Variants in AAMDC observed in about 807,000 individuals in gnomAD.
The protein encoded by AAMDC is adipogenesis associated Mth938 domain containing.
A neutral mutation model predicts 15.5 loss-of-function variants in AAMDC; 16 were observed. That is an observed-to-expected ratio of 1.03 (90% CI 0.70 to 1.57). The LOEUF is 1.57. Ranked by LOEUF, AAMDC falls within the 40% of genes most tolerant of loss-of-function variation. The pLI, the probability that AAMDC is intolerant of heterozygous loss-of-function variation, is 0.00. For synonymous variants in AAMDC, 51 were observed against 51.6 expected, an observed-to-expected ratio of 0.99 and a Z score of 0.05; for missense variants, 141 against 144.9, an observed-to-expected ratio of 0.97 and a Z score of 0.14.
At chr11:77,836,486 T>G (rs1435327121) in intron 1 of AAMDC, among the ~76,000 whole-genome samples, 1 of 152,144 alleles carries the variant, frequency 6.6e-6, no homozygotes, top group Non-Finnish European at 1.5e-5. Flanking sequence ...ACCAATCCTA[T>G]TGGCACCTTG....
intron 5 of AAMDC, chr11:77,884,973 T>C (rs1345585955): frequency 5.1e-6 from 1 of 197,098 alleles, no homozygotes; most frequent in Non-Finnish European, 1.1e-5. Flanking sequence ...TTGCCCAGGC[T>C]AGTCTCCAAC....
chr11:77,889,311 C>T (rs1952156730), intron 5 of AAMDC, among the ~76,000 whole-genome samples: 2 of 151,522 alleles, frequency 1.3e-5, no homozygotes, highest in South Asian at 2.1e-4. Flanking sequence ...AAACCAAACA[C>T]CGCATGTTCT....
At chr11:77,831,541 G>A (rs1263546946) in intron 1 of AAMDC, among the ~76,000 whole-genome samples, 1 of 151,990 alleles carries the variant, frequency 6.6e-6, no homozygotes, top group Non-Finnish European at 1.5e-5. Flanking sequence ...CACATGATGT[G>A]ATTATCATTC....
chr11:77,879,076 C>T (rs763501825), intron 5 of AAMDC: 8 of 1,614,076 alleles, frequency 5.0e-6, no homozygotes, highest in South Asian at 3.3e-5. Flanking sequence ...TTTTGGAATG[C>T]GAGCACTGGA....
At position 77,836,901 on chromosome 11, in the gene AAMDC, G is replaced by A. The variant is rs1022477928; in HGVS notation, c.-18-5578G>A. Among the ~76,000 whole-genome samples the A allele has an allele frequency of 2.0e-5, 3 of 152,100 alleles. No individual in the cohort carries two copies. The South Asian group carries it at 6.2e-4, about 31-fold the overall frequency. On this transcript the variant is annotated intron_variant, in intron 1 of 3. Coordinates refer to ENST00000393427, the MANE Select transcript of AAMDC (RefSeq NM_024684.4). ...AATCGCTTGAACCCGGGAGGCGGAG[G>A]TTGCGGTGAGCCAAGATCGCGCCAT...
intron 2 of AAMDC, among the ~76,000 whole-genome samples, chr11:77,852,759 T>C (rs1950450890): frequency 6.6e-6 from 1 of 152,040 alleles, no homozygotes; most frequent in Admixed American, 6.6e-5. Context: ...TATAAATAAT[T>C]TTTTTTCTTT....
intron 3 of AAMDC, among the ~76,000 whole-genome samples, chr11:77,871,317 T>G (rs1360241911): frequency 1.3e-5 from 2 of 152,232 alleles, no homozygotes; most frequent in Non-Finnish European, 2.9e-5. Flanking sequence ...TAATAATAGC[T>G]GTCACTATTA....
chr11:77,881,219 GAGACAGGGAAGTA>G lies in AAMDC; in HGVS notation c.328+4172_328+4184del, dbSNP rs1951780357. Among the ~76,000 whole-genome samples, 2 of 152,170 alleles carry G rather than the reference GAGACAGGGAAGTA, an allele frequency of 1.3e-5. 1 individual carries two copies. Among genetic ancestry groups the G allele is most frequent in the South Asian group, 4.1e-4 (2 of 4,826 alleles). On this transcript the variant is annotated intron_variant, in intron 5 of 5. Transcript: ENST00000304716. ...TTTATATTCTTATTCTCATCTTAAT[GAGACAGGGAAGTA>G]AAATAACTTTCTCAGGATCACACAG...
rs148523271 is a variant in AAMDC at position 77,842,606 on chromosome 11, A to T, written c.110A>T (p.Asp37Val). ...KVWPGGSRTW[D>V]WRETGTEHSP... ...TGGCCAGGGGGTAGTCGGACTTGGG[A>T]TTGGAGAGAAACAGGAACTGAGGTA... Residue 37 changes from aspartate (D) to valine (V), a missense_variant, in exon 2 of 4, where the codon GAT (aspartate) becomes GTT (valine). Coordinates refer to ENST00000393427, the MANE Select transcript of AAMDC (RefSeq NM_024684.4). 1.3e-4 allele frequency: 210 copies of T among 1,613,940 alleles called. 2 individuals carry two copies. The South Asian group carries it at 1.8e-3, about 14-fold the overall frequency.
At chr11:77,876,382 C>T (rs902756414), downstream of AAMDC, among the ~76,000 whole-genome samples, 2 of 150,812 alleles carry the variant, frequency 1.3e-5, no homozygotes, top group African/African-American at 2.4e-5. Context: ...ATGCCCCCTT[C>T]GAAACCTTTA....
intron 5 of AAMDC, among the ~76,000 whole-genome samples, chr11:77,890,621 C>T (rs1321841825): frequency 6.6e-6 from 1 of 151,994 alleles, no homozygotes; most frequent in South Asian, 2.1e-4. Context: ...AATTGCCTGC[C>T]CATTTGTATG....
At chr11:77,903,678 T>C, downstream of AAMDC, 1 of 1,349,910 alleles carries the variant, frequency 7.4e-7, no homozygotes, top group East Asian at 2.3e-5. Flanking sequence ...TGGCCTATCA[T>C]TTGGGATTTA....
intron 3 of AAMDC, among the ~76,000 whole-genome samples, chr11:77,870,447 CT>C (rs1286296815): frequency 1.3e-5 from 2 of 149,206 alleles, no homozygotes; most frequent in African/African-American, 5.0e-5. Context: ...TGCCATTCTC[CT>C]GTCTCAGCCT....
At chr11:77,904,703 T>C (rs910718007), downstream of AAMDC, among the ~76,000 whole-genome samples, 1 of 152,196 alleles carries the variant, frequency 6.6e-6, no homozygotes, top group Non-Finnish European at 1.5e-5. Flanking sequence ...TTGACAGTTG[T>C]AGTCAGAAAG....
chr11:77,897,192 G>T (rs1477298797), intron 5 of AAMDC, among the ~76,000 whole-genome samples: 3 of 151,814 alleles, frequency 2.0e-5, no homozygotes, highest in African/African-American at 7.3e-5. Context: ...TGGTGGCAAA[G>T]TTGGAGCTAA....
At chr11:77,830,194 G>C (rs1248975363) in intron 1 of AAMDC, 26 of 152,218 alleles carry the variant, frequency 1.7e-4, no homozygotes, top group Admixed American at 1.7e-3. Context: ...CATCCAGTAA[G>C]AGATTCATCT....
chr11:77,835,148 A>G (rs1949626670), intron 1 of AAMDC, among the ~76,000 whole-genome samples: 2 of 152,240 alleles, frequency 1.3e-5, no homozygotes, highest in South Asian at 4.1e-4. Context: ...GTGTGACCAC[A>G]TGACTGTATT....
chr11:77,902,847 A>C (rs1001740870), downstream of AAMDC, among the ~76,000 whole-genome samples: 1 of 152,212 alleles, frequency 6.6e-6, no homozygotes, highest in Admixed American at 6.5e-5. Flanking sequence ...AGCCTACTTA[A>C]TGAACTACCC....
intron 2 of AAMDC, among the ~76,000 whole-genome samples, chr11:77,846,345 A>G (rs1950146493): frequency 6.6e-6 from 1 of 152,188 alleles, no homozygotes; most frequent in African/African-American, 2.4e-5. Context: ...CCAGCTGGGC[A>G]TGGTGGCTCA....
Sources: gnomAD v4.1 joint callset for allele counts (sites outside exome capture counted in the v4.1 genomes callset) on GRCh38, gnomAD v4.1.1 for gene constraint, MANE v1.5 for transcripts, NCBI Gene and HGNC (gene_info 2026-07-23, HGNC 2026-07-21) for gene names.